Variants in KCNAB2 observed in about 807,000 individuals in gnomAD.
KCNAB2 encodes voltage-gated potassium channel subunit beta-2.
KCNAB2 carries 29 observed loss-of-function variants against 63.6 expected under a neutral mutation model. The ratio of observed to expected loss-of-function variants is 0.46; its 90% confidence interval spans 0.34 to 0.62. The LOEUF (loss-of-function observed/expected upper bound fraction) is 0.62. Among genes scored for constraint, KCNAB2 ranks in the 20% least tolerant of loss-of-function variants. KCNAB2 has a pLI of 0.01. For missense variants in KCNAB2, 359 were observed against 563.9 expected, an observed-to-expected ratio of 0.64 and a Z score of 3.68; for synonymous variants, 222 against 224.2, an observed-to-expected ratio of 0.99 and a Z score of 0.09.
Position 6,028,477 on chromosome 1 carries a change from G to A in KCNAB2, c.-52-12040G>A, listed in dbSNP as rs935878894. Among the ~76,000 whole-genome samples the A allele has an allele frequency of 2.0e-5, 3 of 152,202 alleles. No individual in the cohort carries two copies. Among genetic ancestry groups the A allele is most frequent in the African/African-American group, 7.2e-5 (3 of 41,432 alleles). Reference sequence around the variant, plus strand: ...AACATCAGTTCAACAAGCAGGTGCTGGAGTCCTCGCCCCGAGGCCTTCCGG... The same window carrying A: ...AACATCAGTTCAACAAGCAGGTGCTAGAGTCCTCGCCCCGAGGCCTTCCGG... On this transcript the variant is annotated intron_variant, in intron 1 of 16. Transcript: ENST00000341524. This position sits in a 1 kb window ranked among gnomAD's most constrained non-coding sequence, Gnocchi z 4.0.
At chr1:6,088,639 TC>T (rs755244036) in intron 7 of KCNAB2, among the ~76,000 whole-genome samples, 37 of 152,000 alleles carry the variant, frequency 2.4e-4, no homozygotes, top group Admixed American at 2.3e-3. Flanking sequence ...TGCCTTAGCC[TC>T]CCAAAGTGCT....
intron 1 of KCNAB2, among the ~76,000 whole-genome samples, chr1:6,047,134 A>G (rs562894632): frequency 6.6e-6 from 1 of 152,254 alleles, no homozygotes; most frequent in South Asian, 2.1e-4. Context: ...CAGGGCTCAG[A>G]GACCCTCACT....
At position 6,073,497 on chromosome 1, in the gene KCNAB2, C is replaced by CCATA. The variant is rs768522477; in HGVS notation, c.263-235_263-232dup. On this transcript the variant is annotated intron_variant, in intron 3 of 15. Transcript: ENST00000378083. This position sits in a 1 kb window ranked among gnomAD's most constrained non-coding sequence, Gnocchi z 5.7. ...TTCAAAAGCCCCAGACCTCCTGGAC[C>CCATA]CATAGCCAGCAGCCCGCTCTAGAGA... is the stretch of plus-strand genomic sequence containing the variant. Among the ~76,000 whole-genome samples the CCATA allele has an allele frequency of 5.3e-5, 8 of 152,198 alleles. No individual in the cohort carries two copies. The highest frequency in any genetic ancestry group is 1.0e-4 in the Non-Finnish European group (7 of 68,046).
chr1:6,083,568 C>T (rs915194997), intron 5 of KCNAB2, among the ~76,000 whole-genome samples: 5 of 152,202 alleles, frequency 3.3e-5, no homozygotes, highest in Admixed American at 6.5e-5. Flanking sequence ...CCCCTCAGGT[C>T]GCCGTTTCTG....
At chr1:6,027,247 T>C (rs1461070856) in intron 1 of KCNAB2, 3 of 153,986 alleles carry the variant, frequency 1.9e-5, no homozygotes, top group African/African-American at 4.9e-5. Context: ...TGTGTGTGTG[T>C]GTGTGTGTGT....
intron 2 of KCNAB2, among the ~76,000 whole-genome samples, chr1:6,062,984 C>G (rs904368557): frequency 1.3e-5 from 2 of 152,036 alleles, no homozygotes; most frequent in African/African-American, 4.8e-5. Flanking sequence ...CATTCCCACC[C>G]CCTGCAACCA....
intron 1 of KCNAB2, among the ~76,000 whole-genome samples, chr1:6,014,997 T>C (rs1658398659): frequency 6.7e-6 from 1 of 149,562 alleles, no homozygotes; most frequent in Non-Finnish European, 1.5e-5. Flanking sequence ...TTAATTTTAT[T>C]ACAGACGGGG....
upstream of KCNAB2, among the ~76,000 whole-genome samples, chr1:6,033,980 C>T (rs1211694079): frequency 2.0e-5 from 3 of 151,786 alleles, no homozygotes; most frequent in Non-Finnish European, 4.4e-5. Context: ...GGACCCTGGG[C>T]CCTGCACCCC....
chr1:6,000,178 C>T (rs12124590), intron 1 of KCNAB2, among the ~76,000 whole-genome samples: 31,436 of 150,270 alleles, frequency 0.21, 3,543 homozygotes, highest in Middle Eastern at 0.27. Flanking sequence ...AGCCAGCCCC[C>T]CGCACCCCCT....
chr1:5,995,756 C>A (rs1490174169), intron 1 of KCNAB2: 1 of 152,282 alleles, frequency 6.6e-6, no homozygotes, highest in Non-Finnish European at 1.5e-5. Flanking sequence ...TTGTAAACAA[C>A]CCTGTGAGGG....
intron 2 of KCNAB2, among the ~76,000 whole-genome samples, chr1:6,064,736 C>A (rs958901697): frequency 6.6e-6 from 1 of 152,166 alleles, no homozygotes; most frequent in Admixed American, 6.5e-5. Flanking sequence ...GTCACCCCAC[C>A]ACCTTCCAGT....
chr1:6,086,030 C>A lies in KCNAB2; in HGVS notation c.425+782C>A, dbSNP rs1664670063. On this transcript the variant is annotated intron_variant, in intron 6 of 15. Transcript: ENST00000378083. This position sits in a 1 kb window ranked among gnomAD's most constrained non-coding sequence, Gnocchi z 4.2. ...TTCCCAGGCCAAGGTCCTCACCCACCTTGGGACCAACTGGGCTGAGCACTT... is the reference window on the plus strand; with the variant it reads ...TTCCCAGGCCAAGGTCCTCACCCACATTGGGACCAACTGGGCTGAGCACTT... The A allele has an allele frequency of 1.0e-6, 1 of 985,376 alleles. No homozygotes were observed. Among genetic ancestry groups the A allele is most frequent in the Admixed American group, 6.1e-5 (1 of 16,268 alleles). 61.0% of individuals were successfully genotyped at this position (985,376 alleles called of 1,614,324 possible).
At chr1:6,041,750 C>T, upstream of KCNAB2, 2 of 1,278,560 alleles carry the variant, frequency 1.6e-6, no homozygotes, top group Non-Finnish European at 2.3e-6. Context: ...TGACCTGCAC[C>T]TGCTGGGGTT....
At chr1:6,051,836 G>T in intron 2 of KCNAB2, 82 bp downstream of exon 2, 1 of 1,408,662 alleles carries the variant, frequency 7.1e-7, no homozygotes, top group Non-Finnish European at 9.4e-7. Flanking sequence ...GGGCACGGTG[G>T]TTCACACCTG....
chr1:6,020,538 TC>T (rs1658759511), intron 1 of KCNAB2, among the ~76,000 whole-genome samples: 1 of 152,000 alleles, frequency 6.6e-6, no homozygotes, highest in East Asian at 1.9e-4. Context: ...AGCCCCACCC[TC>T]CTGGACTCGG....
At chr1:6,008,588 T>C (rs1657963182) in intron 1 of KCNAB2, among the ~76,000 whole-genome samples, 1 of 146,792 alleles carries the variant, frequency 6.8e-6, no homozygotes, top group Non-Finnish European at 1.5e-5. Context: ...ATTGCACCGC[T>C]GCACTCCAGC....
At position 6,095,341 on chromosome 1, in the gene KCNAB2, C is replaced by T. The variant is rs146741760; in HGVS notation, c.751C>T (p.Arg251Trp). 6.2e-7 allele frequency: 1 copy of T among 1,612,648 alleles called. No individual in the cohort carries two copies. The highest frequency in any genetic ancestry group is 8.5e-7 in the Non-Finnish European group (1 of 1,179,984). ...TTCACAGGAGGCCTACTCCGTGGCC[C>T]GGCAGTTCAACCTGACCCCGCCCAT... Reference protein sequence around the residue: ...MEIMEAYSVARQFNLTPPICE... With the variant: ...MEIMEAYSVAWQFNLTPPICE... Residue 251 changes from arginine to tryptophan, a missense_variant, in exon 12 of 16, where the codon CGG becomes TGG. Arg to Trp is a moderately radical substitution (Grantham distance 101). Coordinates refer to ENST00000378083, the MANE Select transcript of KCNAB2 (RefSeq NM_001199862.2).
intron 1 of KCNAB2, among the ~76,000 whole-genome samples, chr1:6,039,263 A>G (rs980087441): frequency 2.0e-5 from 3 of 152,228 alleles, no homozygotes; most frequent in African/African-American, 7.2e-5. Context: ...GCCAGGCGGC[A>G]GAGCATAGGG....
intron 11 of KCNAB2, 136 bp from the exon 12 acceptor site, chr1:6,095,187 A>G: frequency 1.1e-6 from 1 of 881,040 alleles, no homozygotes; most frequent in Non-Finnish European, 1.8e-6. Flanking sequence ...TATGAGTGTG[A>G]GCAGTGGGGA....
Sources: allele counts gnomAD v4.1 joint callset (sites outside exome capture counted in the v4.1 genomes callset), GRCh38; gene constraint gnomAD v4.1.1; non-coding constraint Gnocchi (gnomAD v3.1); transcripts MANE v1.5; gene names NCBI Gene and HGNC (gene_info 2026-07-23, HGNC 2026-07-21).